COL4A2: variants seen among roughly 807,000 people sequenced by gnomAD.
COL4A2 encodes collagen type IV alpha 2 chain, also known as collagen alpha-2(IV) chain.
A neutral mutation model predicts 200.2 loss-of-function variants in COL4A2; 99 were observed. The ratio of observed to expected loss-of-function variants is 0.49; its 90% CI spans 0.42 to 0.58. The LOEUF is 0.58. Ranked by LOEUF, COL4A2 falls within the 20% of genes least tolerant of loss-of-function variation. COL4A2 has a pLI of 0.00. For synonymous variants in COL4A2, 897 were observed against 900.6 expected (o/e 1.00, Z 0.07); for missense variants, 1,950 against 2,314.1 (o/e 0.84, Z 3.23).
chr13:110,477,130 C>T (rs1002455424), intron 29 of COL4A2, among the ~76,000 whole-genome samples: 3 of 152,176 alleles, frequency 2.0e-5, no homozygotes, highest in Non-Finnish European at 4.4e-5. Flanking sequence ...GGGCAGATCG[C>T]ATGAGCTCAG....
intron 3 of COL4A2, among the ~76,000 whole-genome samples, chr13:110,346,943 G>A (rs888170617): frequency 5.3e-5 from 8 of 152,242 alleles, no homozygotes; most frequent in Admixed American, 2.0e-4. Flanking sequence ...CATCCCCTGC[G>A]CTTATCGTGG....
chr13:110,394,502 A>C (rs1343507203), intron 4 of COL4A2, among the ~76,000 whole-genome samples: 2 of 152,226 alleles, frequency 1.3e-5, no homozygotes, highest in Admixed American at 6.5e-5. Context: ...ACAGCCACAA[A>C]TCCAAACATG....
In COL4A2 at chr13:110,307,937, G is replaced by A; in HGVS notation, c.34G>A (p.Ala12Thr). The change falls in exon 2 of 48, where the codon GCC becomes ACC. Residue 12 changes from alanine (A) to threonine (T), a missense_variant. Transcript: ENST00000360467. This position sits in a 1 kb window ranked among gnomAD's most constrained non-coding sequence, Gnocchi z 5.0. ...GRDQRAVAGP[A>T]LRRWLLLGTV... ...AGACCAGCGCGCGGTGGCCGGCCCT[G>A]CCCTACGGCGGTAAGCGACTTTCTG... 1 of 1,613,022 alleles carries A rather than the reference G, an allele frequency of 6.2e-7. No homozygotes were observed.
intron 4 of COL4A2, among the ~76,000 whole-genome samples, chr13:110,373,111 G>GT (rs1204585742): frequency 6.6e-6 from 1 of 152,216 alleles, no homozygotes; most frequent in Non-Finnish European, 1.5e-5. Flanking sequence ...TTAGTTGTAA[G>GT]TTTTTTCTGC....
intron 3 of COL4A2, among the ~76,000 whole-genome samples, chr13:110,334,141 A>T (rs1303380383): frequency 6.6e-6 from 1 of 152,248 alleles, no homozygotes; most frequent in Non-Finnish European, 1.5e-5. Flanking sequence ...GAGGCGTTTG[A>T]TAAAAAATGT....
At chr13:110,489,683 T>C in intron 35 of COL4A2, 28 bp from the exon 36 acceptor site, 1 of 1,614,064 alleles carries the variant, frequency 6.2e-7, no homozygotes, top group South Asian at 1.1e-5. Flanking sequence ...AAAGTCCTGT[T>C]CTTAGCCGTC....
intron 3 of COL4A2, among the ~76,000 whole-genome samples, chr13:110,335,004 ATCTC>A (rs1876110868): frequency 6.6e-6 from 1 of 152,232 alleles, no homozygotes; most frequent in Admixed American, 6.5e-5. Flanking sequence ...GACCTCAACT[ATCTC>A]TCTGTCCCTC....
chr13:110,493,203 C>T lies in COL4A2; in HGVS notation c.3563-8C>T. ...TGAAATAAATAACGATGAGTGACACCCCCGCAGGTTTTCCGGGACTCCGTG... is the reference window on the plus strand; with the variant it reads ...TGAAATAAATAACGATGAGTGACACTCCCGCAGGTTTTCCGGGACTCCGTG... On this transcript the variant is annotated splice_region_variant and splice_polypyrimidine_tract_variant and intron_variant, in intron 38 of 47. Transcript: ENST00000360467. The T allele has an allele frequency of 6.2e-7, 1 of 1,614,102 alleles. No homozygotes were observed. Among genetic ancestry groups the T allele is most frequent in the Non-Finnish European group, 8.5e-7 (1 of 1,180,030 alleles).
chr13:110,335,994 T>C (rs1876165327), intron 3 of COL4A2, among the ~76,000 whole-genome samples: 1 of 152,194 alleles, frequency 6.6e-6, no homozygotes, highest in African/African-American at 2.4e-5. Flanking sequence ...ACTCATCCAG[T>C]CTCCTGTGGA....
At chr13:110,472,356 T>G (rs192307437) in intron 28 of COL4A2, among the ~76,000 whole-genome samples, 4 of 152,008 alleles carry the variant, frequency 2.6e-5, no homozygotes, top group African/African-American at 9.7e-5. Flanking sequence ...ACCTCGTGAT[T>G]CACCCGCCTC....
chr13:110,502,850 G>A, intron 41 of COL4A2: 1 of 395,860 alleles, frequency 2.5e-6, no homozygotes, highest in Non-Finnish European at 4.5e-6. Flanking sequence ...AACGGGGACA[G>A]ATTTCAGTTT....
At chr13:110,361,337 T>C (rs1371396567) in intron 4 of COL4A2, among the ~76,000 whole-genome samples, 1 of 152,230 alleles carries the variant, frequency 6.6e-6, no homozygotes, top group African/African-American at 2.4e-5. Context: ...AAATAGCAGC[T>C]GGACAGAGCT....
intron 45 of COL4A2, among the ~76,000 whole-genome samples, chr13:110,504,838 C>T (rs1883786035): frequency 6.6e-6 from 1 of 152,028 alleles, no homozygotes. Context: ...GAACTCCTGA[C>T]CTCGAGCGAT....
chr13:110,473,313 GTC>G (rs1179698532), intron 29 of COL4A2, among the ~76,000 whole-genome samples, 163 bp downstream of exon 29: 2 of 152,178 alleles, frequency 1.3e-5, no homozygotes, highest in African/African-American at 4.8e-5. Context: ...TTTAGAATGT[GTC>G]TGTCACAACA....
chr13:110,443,013 G>C (rs1881188881), intron 16 of COL4A2, among the ~76,000 whole-genome samples: 1 of 152,212 alleles, frequency 6.6e-6, no homozygotes, highest in South Asian at 2.1e-4. Context: ...TGTTGCATTT[G>C]CACAGGCTGC....
At chr13:110,506,304 CCA>C in intron 45 of COL4A2, 109 bp from the exon 46 acceptor site, 5 of 1,119,572 alleles carry the variant, frequency 4.5e-6, no homozygotes, top group Admixed American at 2.7e-5. Flanking sequence ...ACCAGGCCGT[CCA>C]CTCTCTCTCT....
At chr13:110,511,241 A>G (rs528491006) in intron 47 of COL4A2, among the ~76,000 whole-genome samples, 4 of 152,234 alleles carry the variant, frequency 2.6e-5, no homozygotes, top group Admixed American at 2.6e-4. Flanking sequence ...AAATGAAAAA[A>G]AAAAAAAGGC....
intron 4 of COL4A2, among the ~76,000 whole-genome samples, chr13:110,387,510 G>A (rs756602775): frequency 2.6e-5 from 4 of 152,154 alleles, no homozygotes; most frequent in Non-Finnish European, 4.4e-5. Context: ...GCCAAGTGTC[G>A]GCCGCATTCA....
chr13:110,435,975 T>G, intron 12 of COL4A2: 1 of 446,282 alleles, frequency 2.2e-6, no homozygotes, highest in South Asian at 2.3e-5. Flanking sequence ...AATTCCCATA[T>G]ATAGAAATTC....
Sources: allele counts gnomAD v4.1 joint callset (sites outside exome capture counted in the v4.1 genomes callset), GRCh38; gene constraint gnomAD v4.1.1; non-coding constraint Gnocchi (gnomAD v3.1); transcripts MANE v1.5; gene names NCBI Gene and HGNC (gene_info 2026-07-23, HGNC 2026-07-21).